NUP88: variants seen among roughly 807,000 people sequenced by gnomAD.
NUP88 encodes the protein nuclear pore complex protein Nup88.
In NUP88, 57 loss-of-function variants were observed where a neutral mutation model predicts 93.9. That is an observed-to-expected ratio of 0.61 (90% CI 0.49 to 0.76). NUP88 has a LOEUF of 0.76. Ranked by LOEUF, NUP88 falls within the 30% of genes least tolerant of loss-of-function variation. NUP88 has a pLI of 0.00. For missense variants in NUP88, 911 were observed against 901.0 expected (o/e 1.01, Z -0.14); for synonymous variants, 346 against 336.8 (o/e 1.03, Z -0.30).
chr17:5,398,504 T>A (rs58149628), intron 8 of NUP88, among the ~76,000 whole-genome samples: 2,444 of 152,042 alleles, frequency 0.016, 75 homozygotes, highest in African/African-American at 0.055. Context: ...GACTAGACTG[T>A]TCGCAAACTC....
rs201843140 is a variant in NUP88 at position 5,404,088 on chromosome 17, G to C, written c.1192+11C>G. 4.6e-4 allele frequency: 744 copies of C among 1,612,342 alleles called. 7 individuals carry two copies. The highest frequency in any genetic ancestry group is 1.0e-4 in the Non-Finnish European group (120 of 1,179,008). Reference sequence around the variant, plus strand: ...ATGGGAAAAAAGCACTACATTTATTGAAGAGCTTACCTCTATGAAGTTTGA... The same window carrying C: ...ATGGGAAAAAAGCACTACATTTATTCAAGAGCTTACCTCTATGAAGTTTGA... On this transcript the variant is annotated intron_variant, in intron 7 of 16. Transcript: ENST00000573584.
At chr17:5,414,206 T>C (rs1914006110) in intron 2 of NUP88, 72 bp from the exon 3 acceptor site, 1 of 1,417,078 alleles carries the variant, frequency 7.1e-7, no homozygotes, top group Non-Finnish European at 9.8e-7. Flanking sequence ...GGAACTTCTT[T>C]TTTTTGCAGA....
At chr17:5,411,360 T>A (rs918159961) in intron 3 of NUP88, among the ~76,000 whole-genome samples, 3 of 152,148 alleles carry the variant, frequency 2.0e-5, no homozygotes, top group African/African-American at 7.2e-5. Context: ...GGTCAGGAGT[T>A]CGTGACCAGC....
intron 9 of NUP88, among the ~76,000 whole-genome samples, chr17:5,394,243 G>T (rs370960035): frequency 1.6e-3 from 237 of 152,298 alleles, no homozygotes; most frequent in African/African-American, 5.4e-3. Context: ...AAGACCCAAG[G>T]AAAGAGTTGT....
At position 5,386,554 on chromosome 17, in the gene NUP88, T is replaced by TA. The variant is rs1911994489; in HGVS notation, c.2162+153_2162+154insT. On this transcript the variant is annotated intron_variant, in intron 16 of 16. Transcript: ENST00000573584. ...CTTTCAATCCTCCCACCATAGTCAT[T>TA]TCTTAAGTCCCTATGTATCATGTGG... 4.5e-5 allele frequency: 31 copies of TA among 687,086 alleles called. No homozygotes were observed. The South Asian group carries it at 5.4e-4, about 12-fold the overall frequency. The allele number at this position is 687,086 out of a possible 1,614,324, so 42.6% of individuals were successfully genotyped here. A position where few individuals can be genotyped will look rare whatever the true frequency, so the allele number is the denominator to read the frequency against.
Position 5,414,040 on chromosome 17 carries a change from C to G in NUP88, c.562G>C (p.Val188Leu). ...WYPSEILDPH[V>L]VLLTSDNVIR... ...ACGTTGTCTGATGTTAACAGCACTA[C>G]GTGGGGATCCAGGATTTCACTTGGA... The change falls in exon 3 of 17, where the codon GTA (valine) becomes CTA (leucine). Residue 188 changes from valine (V) to leucine (L), a missense_variant. Coordinates refer to ENST00000573584, the MANE Select transcript of NUP88 (RefSeq NM_002532.6). 6.2e-7 allele frequency: 1 copy of G among 1,613,830 alleles called. No individual in the cohort carries two copies.
chr17:5,404,942 T>C, intron 6 of NUP88, 115 bp downstream of exon 6: 1 of 946,918 alleles, frequency 1.1e-6, no homozygotes, highest in Non-Finnish European at 1.5e-6. Flanking sequence ...ATTTCCAAAA[T>C]ATCAGAAGTT....
chr17:5,401,301 C>T (rs1913148171), intron 7 of NUP88, among the ~76,000 whole-genome samples: 2 of 151,862 alleles, frequency 1.3e-5, no homozygotes, highest in Admixed American at 6.6e-5. Flanking sequence ...AAGAATCGCT[C>T]GAACCTGGGA....
chr17:5,389,111 A>G, intron 10 of NUP88, 151 bp from the exon 11 acceptor site: 1 of 594,924 alleles, frequency 1.7e-6, no homozygotes, highest in Non-Finnish European at 2.8e-6. Flanking sequence ...CACCTTGAAA[A>G]GGTCACTTTG....
At chr17:5,406,681 C>T (rs1483757928) in intron 5 of NUP88, among the ~76,000 whole-genome samples, 2 of 151,850 alleles carry the variant, frequency 1.3e-5, no homozygotes, top group Non-Finnish European at 2.9e-5. Flanking sequence ...CAGGGGTGTC[C>T]AATCTTTTGG....
chr17:5,415,856 A>T (rs1048707222), intron 2 of NUP88, among the ~76,000 whole-genome samples: 3 of 152,046 alleles, frequency 2.0e-5, no homozygotes, highest in African/African-American at 7.2e-5. Context: ...GAAATTATAT[A>T]AAAATAGGCC....
intron 15 of NUP88, 45 bp from the exon 16 acceptor site, chr17:5,386,871 C>T (rs982327753): frequency 6.3e-7 from 1 of 1,580,450 alleles, no homozygotes; most frequent in Non-Finnish European, 8.7e-7. Flanking sequence ...GTTTGCCACA[C>T]ATTTTCACAG....
intron 5 of NUP88, among the ~76,000 whole-genome samples, chr17:5,407,311 ATTTACT>A (rs1913556602): frequency 6.6e-6 from 1 of 152,128 alleles, no homozygotes; most frequent in Non-Finnish European, 1.5e-5. Flanking sequence ...AGGCCTACTC[ATTTACT>A]CCATCACACT....
chr17:5,396,969 C>T (rs1482496012), intron 8 of NUP88, among the ~76,000 whole-genome samples: 2 of 152,126 alleles, frequency 1.3e-5, no homozygotes, highest in East Asian at 1.9e-4. Flanking sequence ...CCATACGAGT[C>T]CATTATCACA....
chr17:5,419,252 G>A (rs914902795), intron 1 of NUP88, 102 bp downstream of exon 1: 1 of 1,327,966 alleles, frequency 7.5e-7, no homozygotes, highest in African/African-American at 1.5e-5. Flanking sequence ...CAATCCGCTG[G>A]AACGCCTGCC....
At position 5,394,799 on chromosome 17, in the gene NUP88, T is replaced by C; in HGVS notation, c.1382+92A>G. The C allele has an allele frequency of 3.6e-6, 3 of 840,006 alleles. No individual in the cohort carries two copies. The South Asian group carries it at 4.3e-5, about 12-fold the overall frequency. 52.0% of individuals were successfully genotyped at this position (840,006 alleles called of 1,614,324 possible). On this transcript the variant is annotated intron_variant, in intron 9 of 16. Coordinates refer to ENST00000573584, the MANE Select transcript of NUP88 (RefSeq NM_002532.6). ...AACTTTCAAATGACTCAGCAGTGAATACTGTGGATGTGAGTGTAACGGATA... is the reference window on the plus strand; with the variant it reads ...AACTTTCAAATGACTCAGCAGTGAACACTGTGGATGTGAGTGTAACGGATA...
chr17:5,405,158 G>A lies in NUP88; in HGVS notation c.943C>T (p.Leu315Phe). 6.2e-7 allele frequency: 1 copy of A among 1,614,192 alleles called. No individual in the cohort carries two copies. Among genetic ancestry groups the A allele is most frequent in the Non-Finnish European group, 8.5e-7 (1 of 1,180,008 alleles). Residue 315 changes from leucine to phenylalanine, a missense_variant, in exon 6 of 17, where the codon CTC becomes TTC. Leu to Phe is a conservative substitution (Grantham distance 22). Transcript: ENST00000573584. ...DNYGYDACAV[L>F]CLPCVPNILV... ...ATATTGGGGACACAGGGTAAGCAGAGTACAGCACACGCATCATAACCATAG... is the reference window on the plus strand; with the variant it reads ...ATATTGGGGACACAGGGTAAGCAGAATACAGCACACGCATCATAACCATAG...
intron 7 of NUP88, 25 bp from the exon 8 acceptor site, chr17:5,399,675 CA>C: frequency 7.6e-7 from 1 of 1,315,652 alleles, no homozygotes; most frequent in Non-Finnish European, 1.1e-6. Flanking sequence ...ATTAATGATA[CA>C]AAGGTAGCCA....
rs763692644 is a variant in NUP88, at chr17:5,387,352, G to C, written c.1916+34C>G. 4.5e-6 allele frequency: 7 copies of C among 1,553,078 alleles called. No homozygotes were observed. The African/African-American group carries it at 9.5e-5, about 21-fold the overall frequency. Reference sequence around the variant, plus strand: ...TTCTTAAATATCGTTGTTAGTACCTGACTAGGTAACTAAATGTTATACAGC... The same window carrying C: ...TTCTTAAATATCGTTGTTAGTACCTCACTAGGTAACTAAATGTTATACAGC... On this transcript the variant is annotated intron_variant, in intron 14 of 16. Transcript: ENST00000573584.
Sources: allele counts gnomAD v4.1 joint callset (sites outside exome capture counted in the v4.1 genomes callset), GRCh38; gene constraint gnomAD v4.1.1; transcripts MANE v1.5; gene names NCBI Gene and HGNC (gene_info 2026-07-23, HGNC 2026-07-21).